ESRP1: variants seen among roughly 807,000 people sequenced by gnomAD.
ESRP1 encodes the protein epithelial splicing regulatory protein 1.
Under a neutral mutation model 81.7 loss-of-function variants are expected in ESRP1, and 33 were observed. The observed-to-expected ratio is 0.40, with a 90% CI of 0.31 to 0.54. ESRP1 has a LOEUF of 0.54. ESRP1 is among the 20% of genes least tolerant of loss of function. The probability of loss-of-function intolerance (pLI) is 0.41; values close to 1 mark genes in which losing one functional copy is unlikely to be tolerated. For missense variants in ESRP1, 672 were observed against 833.1 expected (o/e 0.81, Z 2.38); for synonymous variants, 320 against 303.3 (o/e 1.06, Z -0.57).
At chr8:94,697,792 T>C (rs893478151) in intron 15 of ESRP1, among the ~76,000 whole-genome samples, 1 of 151,900 alleles carries the variant, frequency 6.6e-6, no homozygotes, top group Non-Finnish European at 1.5e-5. Context: ...TTTATTTTTA[T>C]TTTTTTTGAG....
chr8:94,649,072 T>C (rs577010330), intron 4 of ESRP1, among the ~76,000 whole-genome samples: 2 of 152,212 alleles, frequency 1.3e-5, no homozygotes, highest in East Asian at 3.9e-4. Context: ...AATAGAAAAA[T>C]TAGCCGGGCA....
intron 9 of ESRP1, among the ~76,000 whole-genome samples, chr8:94,666,051 C>G (rs1352942416): frequency 6.6e-6 from 1 of 152,154 alleles, no homozygotes; most frequent in Non-Finnish European, 1.5e-5. Context: ...ATGCATAAAA[C>G]GTTGACTGCT....
intron 4 of ESRP1, among the ~76,000 whole-genome samples, chr8:94,650,075 AT>A (rs1426282642): frequency 6.6e-6 from 1 of 152,024 alleles, no homozygotes; most frequent in African/African-American, 2.4e-5. Flanking sequence ...AGAGTGGTAC[AT>A]TTGTTACACC....
chr8:94,652,318 C>A (rs1818183832), intron 4 of ESRP1, among the ~76,000 whole-genome samples: 1 of 151,884 alleles, frequency 6.6e-6, no homozygotes, highest in Admixed American at 6.6e-5. Context: ...GGTGTTAGGC[C>A]TTTGAGTTAT....
chr8:94,668,808 T>TGTGTGTGTGTG (rs56799877), intron 10 of ESRP1, among the ~76,000 whole-genome samples: 3 of 151,284 alleles, frequency 2.0e-5, no homozygotes, highest in African/African-American at 4.9e-5. Flanking sequence ...TGTGTGTGTG[T>TGTGTGTGTGTG]TTGAGATGGG....
Position 94,692,774 on chromosome 8 carries a change from C to T in ESRP1, c.1918C>T (p.Leu640=), listed in dbSNP as rs774716506. The stretch of plus-strand genomic sequence containing the variant: ...TGGCACGGTGGTCAGAATGCAGGGC[C>T]TGGCCTACAATACTGGAGTTAAGGA... The part of the protein sequence containing the change: ...QPGTVVRMQG[L]AYNTGVKEIL... Residue 640 remains leucine (L), a synonymous_variant, in exon 14 of 16, where the codon CTG becomes TTG. Coordinates refer to ENST00000433389, the MANE Select transcript of ESRP1 (RefSeq NM_017697.4). 1 of 1,613,808 alleles carries T rather than the reference C, an allele frequency of 6.2e-7. No individual in the cohort carries two copies. Among genetic ancestry groups the T allele is most frequent in the Non-Finnish European group, 8.5e-7 (1 of 1,179,810 alleles).
rs1817620727 is a variant in ESRP1 at position 94,641,953 on chromosome 8, G to C, written c.133-3G>C. On this transcript the variant is annotated splice_region_variant and splice_polypyrimidine_tract_variant and intron_variant, in intron 1 of 15. Transcript: ENST00000433389. ...ACTGACCCGTGCTTCTCTACCTTCGGAGGTGGGACAGTTGCACGAAGTGCT... is the reference window on the plus strand; with the variant it reads ...ACTGACCCGTGCTTCTCTACCTTCGCAGGTGGGACAGTTGCACGAAGTGCT... 1 of 1,613,828 alleles carries C rather than the reference G, an allele frequency of 6.2e-7. No individual in the cohort carries two copies. Among genetic ancestry groups the C allele is most frequent in the South Asian group, 1.1e-5 (1 of 91,076 alleles).
chr8:94,705,989 G>A lies in ESRP1; in HGVS notation c.*100G>A. On this transcript the variant is annotated 3_prime_UTR_variant, in exon 16 of 16. Transcript: ENST00000433389. ...CAAGAAAACTTCTAGCAAATTCAGG[G>A]GAAGTTTGTCTACACTCAGGCTGCA... 6.6e-7 allele frequency: 1 copy of A among 1,518,440 alleles called. No individual in the cohort carries two copies. The highest frequency in any genetic ancestry group is 1.3e-5 in the South Asian group (1 of 78,648). The allele number at this position is 1,518,440 out of a possible 1,614,324, so 94.1% of individuals were successfully genotyped here. A position where few individuals can be genotyped will look rare whatever the true frequency, so the allele number is the denominator to read the frequency against.
At chr8:94,703,366 A>C (rs1809925723) in intron 15 of ESRP1, among the ~76,000 whole-genome samples, 1 of 151,910 alleles carries the variant, frequency 6.6e-6, no homozygotes, top group South Asian at 2.1e-4. Flanking sequence ...GTTGGCCAGG[A>C]TGGTCTCCAT....
At chr8:94,705,156 C>CTTTTTTTTTTTTTTTTTTTTTTT (rs57801249) in intron 15 of ESRP1, among the ~76,000 whole-genome samples, 5 of 90,560 alleles carry the variant, frequency 5.5e-5, no homozygotes, top group African/African-American at 1.8e-4. Context: ...TGCCTTATTG[C>CTTTTTTTTTTTTTTTTTTTTTTT]TTTTTTTTTT....
chr8:94,656,124 G>A (rs1244737787), intron 4 of ESRP1: 1 of 149,422 alleles, frequency 6.7e-6, no homozygotes, highest in Non-Finnish European at 1.5e-5. Context: ...TAAAACTCAT[G>A]CTCTTGTGCT....
At chr8:94,656,784 C>G (rs1444076950) in intron 4 of ESRP1, among the ~76,000 whole-genome samples, 1 of 152,096 alleles carries the variant, frequency 6.6e-6, no homozygotes. Flanking sequence ...GATGACACTT[C>G]AAATTGGAGT....
In ESRP1 at chr8:94,650,940, C is replaced by T. The variant is rs769244773; in HGVS notation, c.490+4658C>T. On this transcript the variant is annotated intron_variant, in intron 4 of 15. Transcript: ENST00000433389. ...CAGGATGGTCTCGATCTCCTGACCT[C>T]GTGATCCGCCCGCCTTGGCCTCTTA... 8.5e-4 allele frequency among the ~76,000 whole-genome samples: 130 copies of T among 152,190 alleles called. No homozygotes were observed. The Middle Eastern group carries it at 0.01, about 12-fold the overall frequency.
intron 6 of ESRP1, 138 bp from the exon 7 acceptor site, chr8:94,664,559 A>G (rs2130614580): frequency 1.5e-6 from 1 of 649,522 alleles, no homozygotes; most frequent in Non-Finnish European, 2.7e-6. Context: ...GGTTATAAGG[A>G]AAATCAAGTA....
Position 94,674,311 on chromosome 8 carries a change from C to T in ESRP1, c.1456C>T (p.Arg486Cys), listed in dbSNP as rs1227845913. ...TATTCTTCCCCCACACACTCAGGGC[C>T]GCCCATCAGGAGATGCCTTTATCCA... ...GVHMVLNHQG[R>C]PSGDAFIQMK... The change falls in exon 12 of 16, where the codon CGC (arginine) becomes TGC (cysteine). Residue 486 changes from arginine (R) to cysteine (C), a missense_variant. Coordinates refer to ENST00000433389, the MANE Select transcript of ESRP1 (RefSeq NM_017697.4). 2.6e-5 allele frequency: 42 copies of T among 1,613,208 alleles called. No individual in the cohort carries two copies. The highest frequency in any genetic ancestry group is 3.1e-5 in the Non-Finnish European group (37 of 1,179,726).
In ESRP1 at chr8:94,668,018, C is replaced by T. The variant is rs1271755351; in HGVS notation, c.1001C>T (p.Pro334Leu). The T allele has an allele frequency of 6.2e-7, 1 of 1,613,556 alleles. No individual in the cohort carries two copies. The highest frequency in any genetic ancestry group is 8.5e-7 in the Non-Finnish European group (1 of 1,179,672). Residue 334 changes from proline (P) to leucine (L), a missense_variant, in exon 10 of 16, where the codon CCT becomes CTT. Physicochemically the swap from Pro to Leu is moderately conservative, Grantham distance 98 (BLOSUM62 -3). Transcript: ENST00000433389. ...NQVIVRMRGL[P>L]FTATAEEVVA... ...GTCATTGTCCGCATGCGGGGGCTCCCTTTCACGGCCACAGCTGAAGAAGTG... is the reference window on the plus strand; with the variant it reads ...GTCATTGTCCGCATGCGGGGGCTCCTTTTCACGGCCACAGCTGAAGAAGTG...
rs1158857032 is a variant in ESRP1, at chr8:94,700,937, A to ATGTGTGTG, written c.*35+3984_*35+3991dup. Among the ~76,000 whole-genome samples, 132 of 125,836 alleles carry ATGTGTGTG rather than the reference A, an allele frequency of 1.0e-3. 1 individual carries two copies. Among genetic ancestry groups the ATGTGTGTG allele is most frequent in the African/African-American group, 4.8e-3 (128 of 26,808 alleles). 82.6% of individuals were successfully genotyped at this position (125,836 alleles called of 152,430 possible). A position where few individuals can be genotyped will look rare whatever the true frequency, so the allele number is the denominator to read the frequency against. On this transcript the variant is annotated intron_variant, in intron 15 of 15. Coordinates refer to ENST00000433389, the MANE Select transcript of ESRP1 (RefSeq NM_017697.4). ...GAGCAAGACTCCGACTCAAAAAAAA[A>ATGTGTGTG]TGTGTGTGTGTGTGTATGTGTGTGT... is the stretch of plus-strand genomic sequence containing the variant.
At chr8:94,642,759 T>C (rs570726687) in intron 2 of ESRP1, among the ~76,000 whole-genome samples, 1 of 152,174 alleles carries the variant, frequency 6.6e-6, no homozygotes, top group Admixed American at 6.5e-5. Context: ...CCGGATCGGG[T>C]AGGGCGGGGC....
intron 15 of ESRP1, among the ~76,000 whole-genome samples, chr8:94,699,613 C>T (rs7826047): frequency 0.13 from 20,302 of 152,062 alleles, 1,633 homozygotes; most frequent in African/African-American, 0.22. Flanking sequence ...GCAGTCCAGC[C>T]TGGGTGACAA....
Sources: allele counts gnomAD v4.1 joint callset (sites outside exome capture counted in the v4.1 genomes callset), GRCh38; gene constraint gnomAD v4.1.1; transcripts MANE v1.5; gene names NCBI Gene and HGNC (gene_info 2026-07-23, HGNC 2026-07-21).